PARD3: variants seen among roughly 807,000 people sequenced by gnomAD.
The protein encoded by PARD3 is partitioning defective 3 homolog.
A neutral mutation model predicts 155.4 loss-of-function variants in PARD3; 75 were observed. The observed-to-expected ratio is 0.48, with a 90% confidence interval of 0.40 to 0.58. The LOEUF (loss-of-function observed/expected upper bound fraction) is 0.58, where lower values mean the gene tolerates loss of function less well. Among genes scored for constraint, PARD3 ranks in the 20% least tolerant of loss-of-function variants. The probability of loss-of-function intolerance (pLI) is 0.00; values close to 1 mark genes in which losing one functional copy is unlikely to be tolerated. For missense variants in PARD3, 1,642 were observed against 1,721.7 expected (o/e 0.95, Z 0.82); for synonymous variants, 576 against 610.5 (o/e 0.94, Z 0.83).
intron 22 of PARD3, among the ~76,000 whole-genome samples, chr10:34,184,675 C>T (rs1186050017): frequency 2.0e-5 from 3 of 150,146 alleles, no homozygotes; most frequent in African/African-American, 7.3e-5. Flanking sequence ...GCCTGCACAT[C>T]ATCCTGTGTT....
intron 2 of PARD3, among the ~76,000 whole-genome samples, chr10:34,567,319 G>A (rs1717064550): frequency 6.6e-6 from 1 of 152,098 alleles, no homozygotes; most frequent in African/African-American, 2.4e-5. Flanking sequence ...TAAAAACAAT[G>A]TCAAAATAAA....
intron 14 of PARD3, among the ~76,000 whole-genome samples, chr10:34,353,716 TAAA>T (rs141514213): frequency 0.29 from 39,719 of 136,588 alleles, 10,834 homozygotes; most frequent in African/African-American, 0.72. Context: ...GATCAATAAA[TAAA>T]TAAATAAAAA....
At chr10:34,302,519 T>C (rs1957203335) in intron 20 of PARD3, among the ~76,000 whole-genome samples, 2 of 152,160 alleles carry the variant, frequency 1.3e-5, no homozygotes, top group African/African-American at 4.8e-5. Context: ...TCAGGACATC[T>C]AAATTTAGAG....
intron 1 of PARD3, among the ~76,000 whole-genome samples, chr10:34,771,612 C>T (rs1171161589): frequency 6.6e-6 from 1 of 152,230 alleles, no homozygotes; most frequent in Non-Finnish European, 1.5e-5. Context: ...AAATTACTTG[C>T]TGGCTTTTCT....
At position 34,448,588 on chromosome 10, in the gene PARD3, C is replaced by T. The variant is rs111743821; in HGVS notation, c.714+1729G>A. Among the ~76,000 whole-genome samples, 1,063 of 152,122 alleles carry T rather than the reference C, an allele frequency of 7.0e-3. 14 individuals carry two copies. The highest frequency in any genetic ancestry group is 0.024 in the African/African-American group (1,008 of 41,510). ...GCCAAGACAGTAGGATTGCTTGAGG[C>T]CAGGAGTTCAAGACTAGCCTGGATA... On this transcript the variant is annotated intron_variant, in intron 5 of 24. Transcript: ENST00000374788.
At chr10:34,230,865 C>G (rs570093262) in intron 22 of PARD3, among the ~76,000 whole-genome samples, 2 of 152,026 alleles carry the variant, frequency 1.3e-5, no homozygotes, top group East Asian at 3.9e-4. Flanking sequence ...TCATCTTTAT[C>G]AAAAAATTTA....
intron 22 of PARD3, among the ~76,000 whole-genome samples, chr10:34,196,969 TTGTC>T (rs1462306850): frequency 5.3e-5 from 8 of 152,132 alleles, no homozygotes; most frequent in Non-Finnish European, 4.4e-5. Context: ...ACCGCAAGCT[TTGTC>T]TGTCCATCCA....
At chr10:34,168,586 G>A (rs1209288009) in intron 22 of PARD3, among the ~76,000 whole-genome samples, 1 of 152,124 alleles carries the variant, frequency 6.6e-6, no homozygotes, top group Non-Finnish European at 1.5e-5. Context: ...GTCATTGGGA[G>A]GGCGAGGAGC....
At chr10:34,236,585 G>A (rs1054947059) in intron 22 of PARD3, among the ~76,000 whole-genome samples, 31 of 152,114 alleles carry the variant, frequency 2.0e-4, no homozygotes, top group African/African-American at 7.5e-4. Context: ...TTGGTATTAT[G>A]GAAAAATTGT....
chr10:34,333,152 T>A (rs1019759818), intron 18 of PARD3, among the ~76,000 whole-genome samples: 6 of 152,146 alleles, frequency 3.9e-5, no homozygotes, highest in African/African-American at 4.8e-5. Context: ...TATGTGTGTA[T>A]GTATTTGTAT....
At chr10:34,238,568 TAAGA>T (rs1285492413) in intron 22 of PARD3, among the ~76,000 whole-genome samples, 3 of 151,886 alleles carry the variant, frequency 2.0e-5, no homozygotes, top group Non-Finnish European at 2.9e-5. Context: ...CGGTTTTGAC[TAAGA>T]AAGAGAAATA....
intron 22 of PARD3, among the ~76,000 whole-genome samples, chr10:34,259,089 A>G (rs1954814677): frequency 6.6e-6 from 1 of 151,998 alleles, no homozygotes; most frequent in African/African-American, 2.4e-5. Context: ...GATAGTTTCA[A>G]AGGAAGGGGA....
chr10:34,268,430 T>C (rs1304029699), intron 22 of PARD3, among the ~76,000 whole-genome samples: 13 of 139,838 alleles, frequency 9.3e-5, no homozygotes, highest in African/African-American at 3.7e-4. Flanking sequence ...TATTACTGGG[T>C]ATATACCCAA....
chr10:34,382,984 A>T (rs1270724424), intron 8 of PARD3, 62 bp from the exon 9 acceptor site: 2 of 1,544,088 alleles, frequency 1.3e-6, no homozygotes, highest in Non-Finnish European at 1.8e-6. Flanking sequence ...AGATATTATG[A>T]GCTTAATTAA....
chr10:34,723,163 C>T (rs905637189), intron 1 of PARD3, among the ~76,000 whole-genome samples: 1 of 152,050 alleles, frequency 6.6e-6, no homozygotes, highest in Non-Finnish European at 1.5e-5. Flanking sequence ...GCCAACACGG[C>T]AAGAACCCTG....
chr10:34,660,362 C>CA, intron 2 of PARD3, among the ~76,000 whole-genome samples: 1 of 152,222 alleles, frequency 6.6e-6, no homozygotes, highest in South Asian at 2.1e-4. Context: ...TAAATACTTA[C>CA]ATTATCTATG....
intron 20 of PARD3, among the ~76,000 whole-genome samples, chr10:34,303,448 C>A (rs1957253628): frequency 6.8e-6 from 1 of 147,960 alleles, no homozygotes; most frequent in Non-Finnish European, 1.5e-5. Flanking sequence ...TTATTTTTGA[C>A]ACTGAGCTTA....
intron 2 of PARD3, among the ~76,000 whole-genome samples, chr10:34,599,397 T>C (rs1388622014): frequency 6.6e-6 from 1 of 152,110 alleles, no homozygotes. Context: ...ATCAATAAAA[T>C]GTATATGAAC....
At chr10:34,143,475 T>C (rs1948305508) in intron 22 of PARD3, among the ~76,000 whole-genome samples, 1 of 152,278 alleles carries the variant, frequency 6.6e-6, no homozygotes, top group African/African-American at 2.4e-5. Flanking sequence ...ACCATTATTT[T>C]AATTCTTTAA....
Sources: gnomAD v4.1 joint callset for allele counts (sites outside exome capture counted in the v4.1 genomes callset) on GRCh38, gnomAD v4.1.1 for gene constraint, MANE v1.5 for transcripts, NCBI Gene and HGNC (gene_info 2026-07-23, HGNC 2026-07-21) for gene names.